SPAG16: variants seen among roughly 807,000 people sequenced by gnomAD.
SPAG16 encodes sperm associated antigen 16, also known as sperm-associated antigen 16 protein.
In SPAG16, 86 loss-of-function variants were observed where a neutral mutation model predicts 80.4. The ratio of observed to expected loss-of-function variants is 1.07; its 90% confidence interval spans 0.90 to 1.28. SPAG16 has a LOEUF of 1.28. Ranked by LOEUF, SPAG16 falls within the 50% of genes most tolerant of loss-of-function variation. The pLI is 0.00. For missense variants in SPAG16, 870 were observed against 765.3 expected (o/e 1.14, Z -1.61); for synonymous variants, 294 against 265.9 (o/e 1.11, Z -1.03).
intron 10 of SPAG16, among the ~76,000 whole-genome samples, chr2:213,682,116 C>G (rs1428773330): frequency 6.6e-6 from 1 of 152,136 alleles, no homozygotes; most frequent in African/African-American, 2.4e-5. Flanking sequence ...CCTATTCTTC[C>G]AGAATTGTCC....
intron 10 of SPAG16, among the ~76,000 whole-genome samples, chr2:213,660,447 A>G (rs2063381642): frequency 6.6e-6 from 1 of 152,052 alleles, no homozygotes; most frequent in South Asian, 2.1e-4. Flanking sequence ...GTTGGGGAAA[A>G]GCTGAGTGTT....
chr2:213,552,670 A>G (rs1018426644), intron 10 of SPAG16, among the ~76,000 whole-genome samples: 1 of 152,156 alleles, frequency 6.6e-6, no homozygotes, highest in Non-Finnish European at 1.5e-5. Flanking sequence ...TGGAGGATGC[A>G]AAGTATTATT....
At chr2:213,763,093 C>T (rs558110384) in intron 10 of SPAG16, among the ~76,000 whole-genome samples, 4 of 152,212 alleles carry the variant, frequency 2.6e-5, no homozygotes, top group East Asian at 3.9e-4. Context: ...TATCACCTCA[C>T]ACATGTTAGG....
chr2:214,245,952 G>A (rs1463412884), intron 15 of SPAG16, among the ~76,000 whole-genome samples: 1 of 152,084 alleles, frequency 6.6e-6, no homozygotes, highest in Non-Finnish European at 1.5e-5. Context: ...GAATTTACAT[G>A]CACAGTTAAG....
intron 12 of SPAG16, among the ~76,000 whole-genome samples, chr2:213,968,767 A>G (rs2044857184): frequency 6.6e-6 from 1 of 152,258 alleles, no homozygotes; most frequent in Non-Finnish European, 1.5e-5. Context: ...AGTTTGTAAA[A>G]TGTGAATCAT....
intron 10 of SPAG16, among the ~76,000 whole-genome samples, chr2:213,669,374 C>T (rs1057074183): frequency 6.6e-6 from 1 of 152,132 alleles, no homozygotes; most frequent in African/African-American, 2.4e-5. Flanking sequence ...ATAGTATTCC[C>T]TCTAAGGCAG....
At chr2:214,245,857 T>C (rs1689803493) in intron 15 of SPAG16, among the ~76,000 whole-genome samples, 1 of 152,184 alleles carries the variant, frequency 6.6e-6, no homozygotes, top group African/African-American at 2.4e-5. Flanking sequence ...CTGATATGTG[T>C]TCAAATATTC....
chr2:213,455,035 T>A (rs2071918190), intron 9 of SPAG16, among the ~76,000 whole-genome samples: 3 of 152,204 alleles, frequency 2.0e-5, no homozygotes, highest in African/African-American at 4.8e-5. Flanking sequence ...TCTAATATAG[T>A]GGAAAAATTA....
intron 10 of SPAG16, among the ~76,000 whole-genome samples, chr2:213,556,815 A>G (rs981102514): frequency 3.9e-5 from 6 of 152,174 alleles, no homozygotes; most frequent in African/African-American, 1.4e-4. Context: ...GGGAACATGG[A>G]ACATTCCCCA....
At chr2:214,307,301 G>C (rs777618688) in intron 15 of SPAG16, among the ~76,000 whole-genome samples, 1 of 151,880 alleles carries the variant, frequency 6.6e-6, no homozygotes, top group Non-Finnish European at 1.5e-5. Flanking sequence ...CTAGCTAGCA[G>C]TCTATCTATC....
intron 15 of SPAG16, among the ~76,000 whole-genome samples, chr2:214,260,339 C>G (rs1691048929): frequency 6.6e-6 from 1 of 151,788 alleles, no homozygotes; most frequent in Non-Finnish European, 1.5e-5. Context: ...AAAAGAGCTC[C>G]CAGAAAAAGA....
intron 9 of SPAG16, among the ~76,000 whole-genome samples, chr2:213,464,601 C>T (rs1372977867): frequency 6.6e-6 from 1 of 152,190 alleles, no homozygotes; most frequent in Admixed American, 6.5e-5. Context: ...ACTGGATGCC[C>T]CTTATCTTTG....
intron 10 of SPAG16, among the ~76,000 whole-genome samples, chr2:213,796,994 G>A (rs1047176047): frequency 3.3e-5 from 5 of 151,594 alleles, no homozygotes; most frequent in South Asian, 2.1e-4. Context: ...ATCCTGACAC[G>A]CTGTGTAGGC....
chr2:214,091,644 T>G (rs991091076), intron 13 of SPAG16, among the ~76,000 whole-genome samples: 1 of 152,196 alleles, frequency 6.6e-6, no homozygotes, highest in African/African-American at 2.4e-5. Context: ...TGCTATACAT[T>G]AGTCTATAAC....
At chr2:214,391,662 G>A (rs1406057635) in intron 15 of SPAG16, among the ~76,000 whole-genome samples, 3 of 152,160 alleles carry the variant, frequency 2.0e-5, no homozygotes, top group Non-Finnish European at 4.4e-5. Flanking sequence ...TTAACAGAGT[G>A]GGAGAAGTAG....
At chr2:213,373,140 C>A (rs1283966222) in intron 8 of SPAG16, among the ~76,000 whole-genome samples, 1 of 152,174 alleles carries the variant, frequency 6.6e-6, no homozygotes, top group East Asian at 1.9e-4. Context: ...CATTAGATGA[C>A]AGCCATGAGA....
chr2:213,988,078 G>C (rs2046106048), intron 12 of SPAG16, among the ~76,000 whole-genome samples: 1 of 151,842 alleles, frequency 6.6e-6, no homozygotes, highest in Non-Finnish European at 1.5e-5. Flanking sequence ...TGTACTGTAA[G>C]ATAGATAAAT....
chr2:213,616,506 A>G (rs2061602662), intron 10 of SPAG16, among the ~76,000 whole-genome samples: 1 of 152,186 alleles, frequency 6.6e-6, no homozygotes, highest in Non-Finnish European at 1.5e-5. Context: ...AACCCTGAGC[A>G]TTGGATAGCA....
chr2:214,164,261 A>T (rs956964838), intron 15 of SPAG16, among the ~76,000 whole-genome samples: 1 of 152,166 alleles, frequency 6.6e-6, no homozygotes, highest in Non-Finnish European at 1.5e-5. Context: ...TAATGCCAAC[A>T]TATTTGCCAA....
Sources: allele counts gnomAD v4.1 joint callset (sites outside exome capture counted in the v4.1 genomes callset), GRCh38; gene constraint gnomAD v4.1.1; transcripts MANE v1.5; gene names NCBI Gene and HGNC (gene_info 2026-07-23, HGNC 2026-07-21).